Variants in SLC35D4 observed in about 807,000 individuals in gnomAD.
SLC35D4 encodes the protein UDP-N-acetylglucosamine transporter SLC35D4.
chr18:23,421,261 A>T, the SLC35D4 span: 1 of 944,046 alleles, frequency 1.1e-6, no homozygotes, highest in Non-Finnish European at 1.6e-6. Context: ...TAAATAAGTA[A>T]ATAAATAAAC....
the SLC35D4 span, among the ~76,000 whole-genome samples, chr18:23,379,202 C>T: frequency 6.6e-6 from 1 of 151,432 alleles, no homozygotes; most frequent in Non-Finnish European, 1.5e-5. Flanking sequence ...TGGCTCACTG[C>T]AACCTCTGCC....
chr18:23,418,525 T>C, the SLC35D4 span, among the ~76,000 whole-genome samples: 1 of 151,544 alleles, frequency 6.6e-6, no homozygotes, highest in African/African-American at 2.4e-5. Context: ...CATTTTTGTA[T>C]TTTTAGTAGA....
At chr18:23,313,344 A>G in the SLC35D4 span, among the ~76,000 whole-genome samples, 1 of 151,920 alleles carries the variant, frequency 6.6e-6, no homozygotes, top group South Asian at 2.1e-4. Flanking sequence ...ATCTTTTATC[A>G]TTAAGCCCAA....
the SLC35D4 span, among the ~76,000 whole-genome samples, chr18:23,353,076 A>AGTGTGTGTGTGT: frequency 0.046 from 5,811 of 126,466 alleles, 295 homozygotes; most frequent in East Asian, 0.066. Context: ...TGAGACAGAC[A>AGTGTGTGTGTGT]GTGTGTGTGT....
the SLC35D4 span, among the ~76,000 whole-genome samples, chr18:23,412,844 C>A: frequency 6.6e-6 from 1 of 152,172 alleles, no homozygotes; most frequent in African/African-American, 2.4e-5. Context: ...GTAGCTGCAA[C>A]AGAGATAGAA....
At chr18:23,312,876 C>T in the SLC35D4 span, among the ~76,000 whole-genome samples, 1 of 151,944 alleles carries the variant, frequency 6.6e-6, no homozygotes, top group Non-Finnish European at 1.5e-5. Context: ...GCCTGTAATC[C>T]CAGCACTTTG....
the SLC35D4 span, among the ~76,000 whole-genome samples, chr18:23,349,018 T>C: frequency 6.6e-6 from 1 of 152,234 alleles, no homozygotes; most frequent in African/African-American, 2.4e-5. Flanking sequence ...CCTCCACTGT[T>C]TGTGATGAGA....
At chr18:23,413,017 G>T in the SLC35D4 span, among the ~76,000 whole-genome samples, 4 of 152,132 alleles carry the variant, frequency 2.6e-5, no homozygotes, top group African/African-American at 9.7e-5. Flanking sequence ...TGACCACTGG[G>T]TTTCCGTAAA....
the SLC35D4 span, among the ~76,000 whole-genome samples, chr18:23,337,002 A>ATTGT: frequency 6.8e-6 from 1 of 147,912 alleles, no homozygotes; most frequent in Non-Finnish European, 1.5e-5. Flanking sequence ...TTTCCCCTGT[A>ATTGT]GTGTGTGTGT....
the SLC35D4 span, among the ~76,000 whole-genome samples, chr18:23,374,844 G>A: frequency 6.6e-6 from 1 of 152,094 alleles, no homozygotes; most frequent in Admixed American, 6.6e-5. Flanking sequence ...GCCAGGTATG[G>A]TGGCTCATAC....
the SLC35D4 span, among the ~76,000 whole-genome samples, chr18:23,304,440 AT>A: frequency 6.8e-6 from 1 of 147,908 alleles, no homozygotes; most frequent in African/African-American, 2.5e-5. Flanking sequence ...ATATAATAAA[AT>A]ATATATAATT....
chr18:23,353,497 C>T, the SLC35D4 span, among the ~76,000 whole-genome samples: 1 of 152,172 alleles, frequency 6.6e-6, no homozygotes, highest in Non-Finnish European at 1.5e-5. Context: ...ATTGAACACA[C>T]CTAAGGCCAA....
At chr18:23,385,206 T>A in the SLC35D4 span, 4 of 706,888 alleles carry the variant, frequency 5.7e-6, no homozygotes, top group African/African-American at 1.8e-5. Context: ...CAAAGACTTC[T>A]ACATGGATTA....
chr18:23,308,171 G>A, the SLC35D4 span, among the ~76,000 whole-genome samples: 50 of 152,324 alleles, frequency 3.3e-4, no homozygotes, highest in Non-Finnish European at 4.6e-4. Flanking sequence ...TCGATTTGAA[G>A]GCCTGGGGGA....
At chr18:23,430,499 T>A in the SLC35D4 span, 2 of 655,130 alleles carry the variant, frequency 3.1e-6, no homozygotes, top group Admixed American at 3.1e-5. Flanking sequence ...TGTCTGTTAA[T>A]AAGGCGGCTA....
At chr18:23,317,266 T>C in the SLC35D4 span, among the ~76,000 whole-genome samples, 2 of 152,186 alleles carry the variant, frequency 1.3e-5, no homozygotes, top group Non-Finnish European at 2.9e-5. Flanking sequence ...AAAGATCCCC[T>C]TGTAATTCTC....
chr18:23,389,689 C>A, the SLC35D4 span, among the ~76,000 whole-genome samples: 1 of 152,188 alleles, frequency 6.6e-6, no homozygotes, highest in African/African-American at 2.4e-5. Context: ...CAGGCATACA[C>A]CACCACGCCC....
At chr18:23,291,757 T>C in the SLC35D4 span, among the ~76,000 whole-genome samples, 1 of 152,162 alleles carries the variant, frequency 6.6e-6, no homozygotes, top group Non-Finnish European at 1.5e-5. Context: ...CACACCTTAT[T>C]GGCTACAGGT....
chr18:23,320,512 T>C, the SLC35D4 span, among the ~76,000 whole-genome samples: 1 of 152,240 alleles, frequency 6.6e-6, no homozygotes, highest in South Asian at 2.1e-4. Context: ...TTATCAGTTA[T>C]GCTTTCCTGC....
Sources: gnomAD v4.1 joint callset for allele counts (sites outside exome capture counted in the v4.1 genomes callset) on GRCh38, gnomAD v4.1.1 for gene constraint, MANE v1.5 for transcripts, NCBI Gene and HGNC (gene_info 2026-07-23, HGNC 2026-07-21) for gene names.